KCNQ4: variants seen among roughly 807,000 people sequenced by gnomAD.
The protein encoded by KCNQ4 is potassium voltage-gated channel subfamily KQT member 4.
In KCNQ4, 31 loss-of-function variants were observed where a neutral mutation model predicts 72.6. The ratio of observed to expected loss-of-function variants is 0.43; its 90% confidence interval spans 0.32 to 0.58. KCNQ4 has a LOEUF of 0.58. Among genes scored for constraint, KCNQ4 ranks in the 20% least tolerant of loss-of-function variants. The pLI is 0.08. For synonymous variants in KCNQ4, 405 were observed against 403.7 expected, an observed-to-expected ratio of 1.00 and a Z score of -0.04; for missense variants, 869 against 962.6, an observed-to-expected ratio of 0.90 and a Z score of 1.29.
chr1:40,809,466 G>A lies in KCNQ4; in HGVS notation c.315-7799G>A, dbSNP rs138318953. ...CTGCTCCTCCAGTGGGGTCTCCCCC[G>A]TCCCATGAAGGCACTCATGGCACCT... On this transcript the variant is annotated intron_variant, in intron 1 of 13. Transcript: ENST00000347132. Among the ~76,000 whole-genome samples the A allele has an allele frequency of 6.5e-3, 995 of 152,218 alleles. 3 individuals carry two copies. Among genetic ancestry groups the A allele is most frequent in the Non-Finnish European group, 0.01 (682 of 68,008 alleles).
In KCNQ4 at chr1:40,824,411, C is replaced by G. The variant is rs552381863; in HGVS notation, c.1292+153C>G. ...AGGCCGTCAGAGGGCCAGACAGGTACAGACTGAGGGCCTCTCTGGAGGGGT... is the reference window on the plus strand; with the variant it reads ...AGGCCGTCAGAGGGCCAGACAGGTAGAGACTGAGGGCCTCTCTGGAGGGGT... On this transcript the variant is annotated intron_variant, in intron 9 of 13. Transcript: ENST00000347132. Among the ~76,000 whole-genome samples, 228 of 152,338 alleles carry G rather than the reference C, an allele frequency of 1.5e-3. 2 individuals carry two copies. The highest frequency in any genetic ancestry group is 5.0e-3 in the African/African-American group (206 of 41,574).
Position 40,794,109 on chromosome 1 carries a change from C to G in KCNQ4, c.314+9702C>G, listed in dbSNP as rs1274815334. ...ACCCCTCAGCCCTCTGTGTGGAGCA[C>G]TGAGCTGTGGGTGTTCATGATTTTT... is the stretch of plus-strand genomic sequence containing the variant. On this transcript the variant is annotated intron_variant, in intron 1 of 13. Coordinates refer to ENST00000347132, the MANE Select transcript of KCNQ4 (RefSeq NM_004700.4). This position sits in a 1 kb window ranked among gnomAD's most constrained non-coding sequence, Gnocchi z 4.2. 6.6e-6 allele frequency among the ~76,000 whole-genome samples: 1 copy of G among 152,214 alleles called. No individual in the cohort carries two copies. The highest frequency in any genetic ancestry group is 1.9e-4 in the East Asian group (1 of 5,194).
At chr1:40,831,673 A>G (rs1648652333) in intron 10 of KCNQ4, among the ~76,000 whole-genome samples, 4 of 152,170 alleles carry the variant, frequency 2.6e-5, no homozygotes, top group African/African-American at 9.7e-5. Context: ...TCCACTTCCT[A>G]GGATTATTGT....
intron 1 of KCNQ4, among the ~76,000 whole-genome samples, chr1:40,801,041 T>C (rs1330121418): frequency 6.6e-6 from 1 of 152,172 alleles, no homozygotes; most frequent in Non-Finnish European, 1.5e-5. Flanking sequence ...GGGTTTTCTA[T>C]TTTAACAGTA....
rs1647350979 is a variant in KCNQ4, at chr1:40,794,418, G to T, written c.314+10011G>T. Among the ~76,000 whole-genome samples the T allele has an allele frequency of 6.6e-6, 1 of 152,146 alleles. No individual in the cohort carries two copies. Among genetic ancestry groups the T allele is most frequent in the South Asian group, 2.1e-4 (1 of 4,832 alleles). ...CCGCTAGGTAGCAGGCACTATTATT[G>T]TTCCCATTTTGCAGACAAGAAACTG... On this transcript the variant is annotated intron_variant, in intron 1 of 13. Transcript: ENST00000347132. The surrounding 1 kb of genome is among the most constrained non-coding windows in gnomAD (Gnocchi z 4.2).
chr1:40,837,627 CGT>C lies in KCNQ4; in HGVS notation c.1746-35_1746-34del, dbSNP rs769242799. 2.0e-5 allele frequency: 32 copies of C among 1,598,710 alleles called. No individual in the cohort carries two copies. The East Asian group carries it at 6.5e-4, about 32-fold the overall frequency. ...TAATTCTTGTGGAAGGGAGGGACGG[CGT>C]GTCCCCGGGCCCTCTGATGGTTCCC... On this transcript the variant is annotated intron_variant, in intron 12 of 13. Coordinates refer to ENST00000347132, the MANE Select transcript of KCNQ4 (RefSeq NM_004700.4).
intron 1 of KCNQ4, among the ~76,000 whole-genome samples, chr1:40,816,244 G>A (rs1205686323): frequency 6.6e-6 from 1 of 152,136 alleles, no homozygotes; most frequent in Non-Finnish European, 1.5e-5. Context: ...GTCTCCTCCA[G>A]GGTGTGTGCA....
At position 40,783,947 on chromosome 1, in the gene KCNQ4, C is replaced by T. The variant is rs1647178577; in HGVS notation, c.-147C>T. On this transcript the variant is annotated 5_prime_UTR_variant, in exon 1 of 14. Coordinates refer to ENST00000347132, the MANE Select transcript of KCNQ4 (RefSeq NM_004700.4). This position sits in a 1 kb window ranked among gnomAD's most constrained non-coding sequence, Gnocchi z 4.4. ...AGGCTCCGAGCGCCCGCCCGCGGCC[C>T]CGGCCCGGCCCCTAGCCCCCGCCGC... The T allele has an allele frequency of 6.8e-6, 1 of 147,048 alleles. No individual in the cohort carries two copies. Among genetic ancestry groups the T allele is most frequent in the African/African-American group, 2.5e-5 (1 of 40,402 alleles). The allele number at this position is 147,048 out of a possible 1,614,324, so 9.1% of individuals were successfully genotyped here. A position where few individuals can be genotyped will look rare whatever the true frequency, so the allele number is the denominator to read the frequency against.
At chr1:40,818,099 C>T (rs1055199549) in intron 2 of KCNQ4, 65 bp from the exon 3 acceptor site, 26 of 1,610,180 alleles carry the variant, frequency 1.6e-5, no homozygotes, top group Non-Finnish European at 2.0e-5. Context: ...TGGCTGGGTC[C>T]GCGCTGTGAC....
At position 40,828,568 on chromosome 1, in the gene KCNQ4, C is replaced by G. The variant is rs895928371; in HGVS notation, c.1293-2516C>G. ...AGAAGGCTGGGTTCCAGTTCTTGCTCCATCTCATAGGAGCTCTGTGACCTT... is the reference window on the plus strand; with the variant it reads ...AGAAGGCTGGGTTCCAGTTCTTGCTGCATCTCATAGGAGCTCTGTGACCTT... On this transcript the variant is annotated intron_variant, in intron 9 of 13. Coordinates refer to ENST00000347132, the MANE Select transcript of KCNQ4 (RefSeq NM_004700.4). Among the ~76,000 whole-genome samples, 7 of 152,196 alleles carry G rather than the reference C, an allele frequency of 4.6e-5. 1 individual carries two copies. The South Asian group carries it at 6.2e-4, about 13-fold the overall frequency.
Position 40,818,763 on chromosome 1 carries a change from A to G in KCNQ4, c.708+83A>G, listed in dbSNP as rs997786315. 6.9e-6 allele frequency: 10 copies of G among 1,441,390 alleles called. No homozygotes were observed. In the Admixed American group the frequency reaches 1.6e-4, roughly 23 times the overall value. 89.3% of individuals were successfully genotyped at this position (1,441,390 alleles called of 1,614,324 possible). On this transcript the variant is annotated intron_variant, in intron 4 of 13. Transcript: ENST00000347132. ...CGGGCAGGGCGGAGAGGGCGAGGTC[A>G]GAGGGGCTGTCTCCGTGCTGGGAAG...
chr1:40,825,451 G>A (rs537784471), intron 9 of KCNQ4, among the ~76,000 whole-genome samples: 1 of 152,264 alleles, frequency 6.6e-6, no homozygotes, highest in South Asian at 2.1e-4. Context: ...TTTCTGGGCT[G>A]AAAAGGCCTA....
intron 9 of KCNQ4, among the ~76,000 whole-genome samples, chr1:40,825,469 G>C (rs1281769061): frequency 2.0e-5 from 3 of 152,138 alleles, no homozygotes; most frequent in Non-Finnish European, 1.5e-5. Context: ...CTAGGGAGGA[G>C]TTTTGGTGCA....
Position 40,784,839 on chromosome 1 carries a change from C to T in KCNQ4, c.314+432C>T, listed in dbSNP as rs528215533. On this transcript the variant is annotated intron_variant, in intron 1 of 13. Coordinates refer to ENST00000347132, the MANE Select transcript of KCNQ4 (RefSeq NM_004700.4). This position sits in a 1 kb window ranked among gnomAD's most constrained non-coding sequence, Gnocchi z 4.1. ...CTCCCACACGCTTCTGTCACCTGCT[C>T]CCCAGCTCTGAGCTATGAAGGGCTC... is the stretch of plus-strand genomic sequence containing the variant. Among the ~76,000 whole-genome samples, 1 of 152,320 alleles carries T rather than the reference C, an allele frequency of 6.6e-6. No homozygotes were observed. Among genetic ancestry groups the T allele is most frequent in the Admixed American group, 6.5e-5 (1 of 15,306 alleles).
chr1:40,831,371 G>A, intron 10 of KCNQ4, 67 bp downstream of exon 10: 3 of 1,347,226 alleles, frequency 2.2e-6, no homozygotes, highest in Non-Finnish European at 3.1e-6. Context: ...GACAGTCTGG[G>A]CTGGGAGCAG....
chr1:40,814,886 CT>C (rs869140466), intron 1 of KCNQ4, among the ~76,000 whole-genome samples: 2 of 99,722 alleles, frequency 2.0e-5, no homozygotes, highest in Non-Finnish European at 4.9e-5. Context: ...ATCTGCTTTC[CT>C]TTTTTTTTAA....
chr1:40,807,715 A>G (rs1358679952), intron 1 of KCNQ4, among the ~76,000 whole-genome samples: 1 of 152,146 alleles, frequency 6.6e-6, no homozygotes, highest in East Asian at 1.9e-4. Context: ...TTTGGGGTTT[A>G]AGGAGCCCCT....
intron 1 of KCNQ4, among the ~76,000 whole-genome samples, chr1:40,811,320 T>C (rs532423406): frequency 1.1e-3 from 168 of 152,294 alleles, no homozygotes; most frequent in Non-Finnish European, 1.9e-3. Flanking sequence ...AAGGCGGTGA[T>C]TGCAGTTGTT....
chr1:40,809,936 G>T (rs12739281), intron 1 of KCNQ4, among the ~76,000 whole-genome samples: 60,094 of 151,752 alleles, frequency 0.4, 12,189 homozygotes, highest in Middle Eastern at 0.49. Flanking sequence ...GTGGTGGTAG[G>T]CACCTGTAAT....
Sources: gnomAD v4.1 joint callset for allele counts (sites outside exome capture counted in the v4.1 genomes callset) on GRCh38, gnomAD v4.1.1 for gene constraint, Gnocchi (gnomAD v3.1) non-coding constraint, MANE v1.5 for transcripts, NCBI Gene and HGNC (gene_info 2026-07-23, HGNC 2026-07-21) for gene names.